The following DTNA variants were observed in gnomAD, a reference collection of about 807,000 sequenced individuals.
DTNA encodes dystrophin-related protein 3.
DTNA carries 43 observed loss-of-function variants against 100.7 expected under a neutral mutation model. The observed-to-expected ratio is 0.43, with a 90% CI of 0.33 to 0.55. DTNA has a LOEUF of 0.55. Among genes scored for constraint, DTNA ranks in the 20% least tolerant of loss-of-function variants. The pLI, the probability that DTNA is intolerant of heterozygous loss-of-function variation, is 0.04. For synonymous variants in DTNA, 349 were observed against 347.9 expected (o/e 1.00, Z -0.04); for missense variants, 798 against 953.9 (o/e 0.84, Z 2.15).
At chr18:34,546,413 A>C (rs1336075713) in intron 1 of DTNA, among the ~76,000 whole-genome samples, 2 of 152,106 alleles carry the variant, frequency 1.3e-5, no homozygotes, top group Non-Finnish European at 2.9e-5. Context: ...TGAATTAATC[A>C]TGCCTCTTTA....
chr18:34,777,638 A>G (rs2094124839), intron 3 of DTNA, among the ~76,000 whole-genome samples: 1 of 152,188 alleles, frequency 6.6e-6, no homozygotes, highest in African/African-American at 2.4e-5. Flanking sequence ...AAGGTGAAGG[A>G]GAAGCAAGTA....
chr18:34,648,128 T>G (rs2060056680), intron 1 of DTNA, among the ~76,000 whole-genome samples: 1 of 152,126 alleles, frequency 6.6e-6, no homozygotes, highest in Non-Finnish European at 1.5e-5. Flanking sequence ...TGGGAAGAGA[T>G]TAATACATTT....
At chr18:34,520,231 T>C (rs2042027277) in intron 1 of DTNA, among the ~76,000 whole-genome samples, 1 of 152,248 alleles carries the variant, frequency 6.6e-6, no homozygotes. Flanking sequence ...TTTAGAAGAC[T>C]GTGTCCTTGG....
chr18:34,564,089 C>A (rs114900451), intron 1 of DTNA, among the ~76,000 whole-genome samples: 198 of 152,026 alleles, frequency 1.3e-3, no homozygotes, highest in African/African-American at 4.6e-3. Context: ...AGGCAGAAGG[C>A]GGAAGGCTTT....
intron 9 of DTNA, chr18:34,825,142 C>T: frequency 7.6e-7 from 1 of 1,317,078 alleles, no homozygotes; most frequent in Non-Finnish European, 1.1e-6. Flanking sequence ...TGAATTAGTC[C>T]TTAAATAGAA....
At chr18:34,721,008 G>T (rs1386492180) in intron 1 of DTNA, among the ~76,000 whole-genome samples, 1 of 152,160 alleles carries the variant, frequency 6.6e-6, no homozygotes, top group Non-Finnish European at 1.5e-5. Context: ...TTTGTATGGT[G>T]ATTTACTGTT....
At chr18:34,542,064 C>T (rs959741788) in intron 1 of DTNA, among the ~76,000 whole-genome samples, 1 of 151,964 alleles carries the variant, frequency 6.6e-6, no homozygotes, top group Non-Finnish European at 1.5e-5. Flanking sequence ...CTGGGCATCC[C>T]CTCAGTCTAG....
At chr18:34,596,588 G>A (rs950476958) in intron 1 of DTNA, among the ~76,000 whole-genome samples, 8 of 152,016 alleles carry the variant, frequency 5.3e-5, no homozygotes, top group African/African-American at 1.9e-4. Flanking sequence ...TTATTACATC[G>A]GGTATATCAG....
At chr18:34,879,455 C>T in intron 19 of DTNA, 96 bp from the exon 20 acceptor site, 1 of 1,240,066 alleles carries the variant, frequency 8.1e-7, no homozygotes, top group African/African-American at 1.5e-5. Flanking sequence ...TAACATTTTA[C>T]ACAGCACAGG....
At chr18:34,694,040 A>T (rs984969541) in intron 1 of DTNA, among the ~76,000 whole-genome samples, 2 of 152,168 alleles carry the variant, frequency 1.3e-5, no homozygotes, top group African/African-American at 4.8e-5. Flanking sequence ...CCTGTTAAAC[A>T]TTTCAGAAGT....
At chr18:34,696,318 C>T (rs568807914) in intron 1 of DTNA, among the ~76,000 whole-genome samples, 1 of 152,260 alleles carries the variant, frequency 6.6e-6, no homozygotes, top group African/African-American at 2.4e-5. Flanking sequence ...GTGGCTCATG[C>T]CTGTAATCCC....
intron 1 of DTNA, among the ~76,000 whole-genome samples, chr18:34,577,582 C>T (rs565738002): frequency 2.0e-5 from 3 of 152,188 alleles, no homozygotes; most frequent in African/African-American, 7.2e-5. Context: ...TATCCCTCAC[C>T]CTCTTTCCAC....
chr18:34,724,097 C>T (rs1216023128), intron 1 of DTNA, among the ~76,000 whole-genome samples: 1 of 152,168 alleles, frequency 6.6e-6, no homozygotes, highest in Non-Finnish European at 1.5e-5. Context: ...AAGCCATTCT[C>T]ACACTTTATT....
At chr18:34,518,793 A>G (rs2041906130) in intron 1 of DTNA, among the ~76,000 whole-genome samples, 1 of 150,794 alleles carries the variant, frequency 6.6e-6, no homozygotes, top group Non-Finnish European at 1.5e-5. Flanking sequence ...CGGGAACATT[A>G]ATAGAATGCA....
At chr18:34,821,869 A>G (rs1328244862) in intron 9 of DTNA, among the ~76,000 whole-genome samples, 1 of 152,234 alleles carries the variant, frequency 6.6e-6, no homozygotes, top group Non-Finnish European at 1.5e-5. Context: ...CATATGATCC[A>G]TAAGGGGCAC....
intron 1 of DTNA, among the ~76,000 whole-genome samples, chr18:34,551,069 T>A (rs2730105): frequency 0.092 from 13,962 of 152,228 alleles, 641 homozygotes; most frequent in South Asian, 0.11. Flanking sequence ...GGCCATCTGT[T>A]GAGCCTGAGC....
intron 1 of DTNA, among the ~76,000 whole-genome samples, chr18:34,584,694 T>C (rs778009817): frequency 2.0e-5 from 3 of 152,104 alleles, no homozygotes; most frequent in Non-Finnish European, 2.9e-5. Flanking sequence ...TGAGTAAAAG[T>C]CCCTGAATTT....
At chr18:34,873,355 C>T (rs894052367) in intron 17 of DTNA, among the ~76,000 whole-genome samples, 3 of 152,204 alleles carry the variant, frequency 2.0e-5, no homozygotes, top group Non-Finnish European at 2.9e-5. Context: ...TGTGTTTGGT[C>T]CCTTGATAAA....
At chr18:34,746,186 G>A (rs949361245) in intron 1 of DTNA, among the ~76,000 whole-genome samples, 1 of 149,996 alleles carries the variant, frequency 6.7e-6, no homozygotes, top group African/African-American at 2.5e-5. Context: ...TTCTAATTTG[G>A]GGGGGGGACT....
Sources: allele counts gnomAD v4.1 joint callset (sites outside exome capture counted in the v4.1 genomes callset), GRCh38; gene constraint gnomAD v4.1.1; transcripts MANE v1.5; gene names NCBI Gene and HGNC (gene_info 2026-07-23, HGNC 2026-07-21).